Variants in ATP2B2 observed in about 807,000 individuals in gnomAD.
The protein encoded by ATP2B2 is ATPase plasma membrane Ca2+ transporting 2, also known as plasma membrane calcium-transporting ATPase 2.
Under a neutral mutation model 120.0 loss-of-function variants are expected in ATP2B2, and 15 were observed. The ratio of observed to expected loss-of-function variants is 0.12; its 90% confidence interval spans 0.08 to 0.19. The LOEUF is 0.19. Ranked by LOEUF, ATP2B2 falls within the 10% of genes least tolerant of loss-of-function variation. The pLI, the probability that ATP2B2 is intolerant of heterozygous loss-of-function variation, is 1.00. For missense variants in ATP2B2, 1,045 were observed against 1,719.8 expected, an observed-to-expected ratio of 0.61 and a Z score of 6.94; for synonymous variants, 694 against 700.3, an observed-to-expected ratio of 0.99 and a Z score of 0.14.
intron 1 of ATP2B2, among the ~76,000 whole-genome samples, chr3:10,468,428 G>A (rs1045302465): frequency 2.0e-5 from 3 of 152,238 alleles, no homozygotes; most frequent in South Asian, 2.1e-4. Context: ...TGTTAGGAAC[G>A]GCCCTGGGCC....
intron 1 of ATP2B2, among the ~76,000 whole-genome samples, chr3:10,503,451 G>C (rs184114364): frequency 6.6e-6 from 1 of 152,232 alleles, no homozygotes; most frequent in Non-Finnish European, 1.5e-5. Context: ...CTGGGAATAC[G>C]GGCTGGCCCT....
At chr3:10,653,297 C>T (rs2070516999) in intron 1 of ATP2B2, among the ~76,000 whole-genome samples, 1 of 152,202 alleles carries the variant, frequency 6.6e-6, no homozygotes, top group African/African-American at 2.4e-5. Context: ...TTATCTGCTG[C>T]AGCCCATCAC....
intron 1 of ATP2B2, among the ~76,000 whole-genome samples, chr3:10,457,701 G>C (rs1366117041): frequency 1.3e-5 from 2 of 152,054 alleles, no homozygotes; most frequent in East Asian, 3.9e-4. Flanking sequence ...TCACAGTTGA[G>C]AAGAGAGAAC....
chr3:10,704,635 A>G (rs1269583497), intron 1 of ATP2B2, among the ~76,000 whole-genome samples: 2 of 152,200 alleles, frequency 1.3e-5, no homozygotes, highest in Non-Finnish European at 2.9e-5. Context: ...TGATTTTTCA[A>G]TCCCAAGGCC....
intron 3 of ATP2B2, among the ~76,000 whole-genome samples, chr3:10,407,586 G>A (rs1318685401): frequency 1.3e-5 from 2 of 152,194 alleles, no homozygotes; most frequent in African/African-American, 2.4e-5. Flanking sequence ...GACCTGGGGC[G>A]GAGGCGGGCA....
At chr3:10,387,736 AG>A (rs2061722234) in intron 6 of ATP2B2, 6 of 180,646 alleles carry the variant, frequency 3.3e-5, no homozygotes, top group Middle Eastern at 2.8e-3. Context: ...AGGAAGAATC[AG>A]AACTCAGACA....
At position 10,340,338 on chromosome 3, in the gene ATP2B2, C is replaced by A; in HGVS notation, c.3141G>T (p.Val1047=). ...LGTFAIQIVI[V]QFGGKPFSCS... ...AGCTGAATGGCTTCCCTCCAAACTG[C>A]ACGATCACTATCTGGAGGTCACAGG... Residue 1047 remains valine, a synonymous_variant, in exon 21 of 23, where the codon GTG becomes GTT. Coordinates refer to ENST00000360273, the MANE Select transcript of ATP2B2 (RefSeq NM_001001331.4). This position sits in a 1 kb window ranked among gnomAD's most constrained non-coding sequence, Gnocchi z 5.0. 1 of 1,614,176 alleles carries A rather than the reference C, an allele frequency of 6.2e-7. No homozygotes were observed. The highest frequency in any genetic ancestry group is 1.7e-5 in the Admixed American group (1 of 60,028).
At chr3:10,371,633 G>A (rs2061245294) in intron 12 of ATP2B2, among the ~76,000 whole-genome samples, 176 bp downstream of exon 12, 1 of 152,200 alleles carries the variant, frequency 6.6e-6, no homozygotes, top group African/African-American at 2.4e-5. Context: ...CACAAACATT[G>A]TAGCAATATT....
chr3:10,368,921 C>T (rs959750509), intron 12 of ATP2B2, among the ~76,000 whole-genome samples: 1 of 152,236 alleles, frequency 6.6e-6, no homozygotes, highest in South Asian at 2.1e-4. Flanking sequence ...CACCCATCCA[C>T]CCAGCACTTC....
intron 1 of ATP2B2, among the ~76,000 whole-genome samples, chr3:10,707,677 C>A (rs1430055346): frequency 1.3e-5 from 2 of 152,102 alleles, no homozygotes; most frequent in Non-Finnish European, 2.9e-5. Context: ...GGTCCGCGGA[C>A]GCCCACCCCG....
chr3:10,412,930 G>A (rs2062660952), intron 2 of ATP2B2, among the ~76,000 whole-genome samples: 1 of 152,192 alleles, frequency 6.6e-6, no homozygotes, highest in Admixed American at 6.5e-5. Flanking sequence ...GGTGGACAGG[G>A]AGGGGCACAC....
At chr3:10,416,269 CT>C (rs1490497265) in intron 2 of ATP2B2, among the ~76,000 whole-genome samples, 1 of 152,180 alleles carries the variant, frequency 6.6e-6, no homozygotes, top group African/African-American at 2.4e-5. Flanking sequence ...TTTGAGGAGC[CT>C]TGGCCTCAAA....
At chr3:10,406,657 GA>G (rs1313448254) in intron 3 of ATP2B2, among the ~76,000 whole-genome samples, 2 of 152,230 alleles carry the variant, frequency 1.3e-5, no homozygotes, top group Non-Finnish European at 2.9e-5. Flanking sequence ...GTATGATGAT[GA>G]AATTGCCTTA....
chr3:10,482,353 A>G (rs34888), intron 1 of ATP2B2, among the ~76,000 whole-genome samples: 91,827 of 152,058 alleles, frequency 0.6, 29,134 homozygotes, highest in Non-Finnish European at 0.7. Flanking sequence ...CAGAGGCCAC[A>G]CCCTAACTGC....
intron 12 of ATP2B2, among the ~76,000 whole-genome samples, chr3:10,367,042 C>T (rs1234318099): frequency 1.3e-5 from 2 of 152,228 alleles, no homozygotes; most frequent in Non-Finnish European, 2.9e-5. Flanking sequence ...AGCCCTCACA[C>T]CACCCTCCTC....
chr3:10,506,222 G>C (rs147642591), upstream of ATP2B2, among the ~76,000 whole-genome samples: 446 of 152,178 alleles, frequency 2.9e-3, 3 homozygotes, highest in Admixed American at 0.014. Context: ...GCAGCTCTCT[G>C]CTGCCCTGAA....
intron 1 of ATP2B2, among the ~76,000 whole-genome samples, chr3:10,496,699 C>T (rs1003121700): frequency 5.3e-5 from 8 of 152,164 alleles, no homozygotes; most frequent in Non-Finnish European, 1.0e-4. Context: ...TCCCCCGTGA[C>T]CTGGACATCA....
intron 2 of ATP2B2, among the ~76,000 whole-genome samples, chr3:10,597,395 G>A (rs1559478302): frequency 1.3e-5 from 2 of 151,252 alleles, no homozygotes; most frequent in Non-Finnish European, 3.0e-5. Flanking sequence ...AGGCACAGAG[G>A]CACACACACA....
chr3:10,658,667 T>A (rs1284419842), intron 1 of ATP2B2, among the ~76,000 whole-genome samples: 3 of 152,102 alleles, frequency 2.0e-5, no homozygotes, highest in Non-Finnish European at 2.9e-5. Context: ...TGGAAAACAC[T>A]CTTCAGGATA....
Sources: allele counts gnomAD v4.1 joint callset (sites outside exome capture counted in the v4.1 genomes callset), GRCh38; gene constraint gnomAD v4.1.1; non-coding constraint Gnocchi (gnomAD v3.1); transcripts MANE v1.5; gene names NCBI Gene and HGNC (gene_info 2026-07-23, HGNC 2026-07-21).